LMF1: variants seen among roughly 807,000 people sequenced by gnomAD.
The protein encoded by LMF1 is lipase maturation factor 1, also known as transmembrane protein 112.
LMF1 carries 68 observed loss-of-function variants against 60.6 expected under a neutral mutation model. The ratio of observed to expected loss-of-function variants is 1.12; its 90% confidence interval spans 0.92 to 1.37. The LOEUF (loss-of-function observed/expected upper bound fraction) is 1.37, where lower values mean the gene tolerates loss of function less well. Ranked by LOEUF, LMF1 falls within the 40% of genes most tolerant of loss-of-function variation. The pLI, the probability that LMF1 is intolerant of heterozygous loss-of-function variation, is 0.00. For synonymous variants in LMF1, 418 were observed against 324.7 expected (o/e 1.29, Z -3.09); for missense variants, 948 against 767.2 (o/e 1.24, Z -2.78).
intron 9 of LMF1, chr16:869,678 T>TG (rs886241824): frequency 7.5e-6 from 5 of 664,012 alleles, no homozygotes; most frequent in African/African-American, 7.1e-5. Context: ...GGGGGGACGG[T>TG]GGGGCTGGGC....
intron 3 of LMF1, among the ~76,000 whole-genome samples, chr16:929,853 C>T (rs190137101): frequency 1.9e-4 from 29 of 152,328 alleles, no homozygotes; most frequent in East Asian, 1.2e-3. Context: ...CGTCTGTGAA[C>T]GGGGGCGCAC....
intron 2 of LMF1, among the ~76,000 whole-genome samples, chr16:938,412 A>G (rs934328276): frequency 1.4e-4 from 22 of 151,900 alleles, no homozygotes; most frequent in African/African-American, 4.8e-4. Context: ...CGGGGACAGC[A>G]GGGATGGGGC....
chr16:981,212 G>A (rs1358587945), exon 1 of LMF1: 5 of 455,436 alleles, frequency 1.1e-5, no homozygotes, highest in Non-Finnish European at 1.8e-5. Flanking sequence ...AACCGACCCT[G>A]TCCTGGACCG....
At chr16:894,433 C>T (rs4984713) in intron 4 of LMF1, among the ~76,000 whole-genome samples, 53,712 of 146,056 alleles carry the variant, frequency 0.37, 10,805 homozygotes, top group African/African-American at 0.53. Context: ...ATCCCCTGTC[C>T]ACCTGGCCGT....
At chr16:967,153 G>T (rs1213025497) in intron 1 of LMF1, among the ~76,000 whole-genome samples, 1 of 152,206 alleles carries the variant, frequency 6.6e-6, no homozygotes, top group Non-Finnish European at 1.5e-5. Flanking sequence ...AGCCCCAGCT[G>T]CCTGTGGCCG....
chr16:949,097 T>C (rs545028348), intron 2 of LMF1, among the ~76,000 whole-genome samples: 26,479 of 72,080 alleles, frequency 0.37, 3,783 homozygotes, highest in African/African-American at 0.53. Context: ...TCAGAGACAA[T>C]GACAGAGCCA....
At chr16:953,039 C>CG (rs2072529912) in intron 2 of LMF1, among the ~76,000 whole-genome samples, 1 of 47,558 alleles carries the variant, frequency 2.1e-5, no homozygotes, top group African/African-American at 1.9e-4. Flanking sequence ...ACAGACACCC[C>CG]AAACCAGCCT....
Position 854,691 on chromosome 16 carries a change from C to T in LMF1, c.1545G>A (p.Glu515=), listed in dbSNP as rs749862939. The part of the protein sequence containing the change: ...GRPPPRWVRG[E]HYRYKFSRPG... ...GACGGCTGAACTTGTACCTGTAGTG[C>T]TCTCCTCGGACCCACCTGCAAGGGG... The change falls in exon 11 of 11, where the codon GAG becomes GAA. Residue 515 remains glutamate, a synonymous_variant. Coordinates refer to ENST00000262301, the MANE Select transcript of LMF1 (RefSeq NM_022773.4). 2 of 1,595,326 alleles carry T rather than the reference C, an allele frequency of 1.3e-6. No individual in the cohort carries two copies. The highest frequency in any genetic ancestry group is 2.3e-5 in the East Asian group (1 of 44,212).
intron 1 of LMF1, among the ~76,000 whole-genome samples, chr16:978,664 C>G (rs949903698): frequency 6.6e-6 from 1 of 152,186 alleles, no homozygotes; most frequent in Non-Finnish European, 1.5e-5. Context: ...GCAAGGCCCA[C>G]TAGCAGGTGG....
At chr16:975,030 C>A (rs1017891812), upstream of LMF1, among the ~76,000 whole-genome samples, 1 of 152,206 alleles carries the variant, frequency 6.6e-6, no homozygotes, top group African/African-American at 2.4e-5. Context: ...CCCCACCCCC[C>A]ACGTGAGGCT....
intron 1 of LMF1, among the ~76,000 whole-genome samples, chr16:978,166 C>A (rs1256322583): frequency 4.7e-5 from 7 of 148,588 alleles, no homozygotes; most frequent in South Asian, 2.1e-4. Context: ...ACACACACAC[C>A]ACACACCATA....
upstream of LMF1, among the ~76,000 whole-genome samples, chr16:971,876 C>G (rs1411833434): frequency 2.0e-5 from 3 of 152,194 alleles, no homozygotes; most frequent in African/African-American, 7.2e-5. Flanking sequence ...CATTTGTCAG[C>G]ACTCTTTACG....
chr16:855,491 C>G (rs946019134), intron 10 of LMF1: 1 of 357,528 alleles, frequency 2.8e-6, no homozygotes, highest in Middle Eastern at 1.0e-3. Flanking sequence ...GGCATTTTCT[C>G]CTGGGGGTGG....
At chr16:959,588 G>A (rs892958892) in intron 1 of LMF1, among the ~76,000 whole-genome samples, 1 of 152,240 alleles carries the variant, frequency 6.6e-6, no homozygotes, top group Non-Finnish European at 1.5e-5. Flanking sequence ...CCACACGCAC[G>A]GATGTGAAAC....
In LMF1 at chr16:854,584, T is replaced by A; in HGVS notation, c.1652A>T (p.Glu551Val). The A allele has an allele frequency of 6.2e-7, 1 of 1,607,692 alleles. No individual in the cohort carries two copies. The highest frequency in any genetic ancestry group is 8.5e-7 in the Non-Finnish European group (1 of 1,178,594). ...ACGGTCCCTGAAGTAGGGCCTCAGC[T>A]CCTCCAGGCTGAGCGGAGGGAAGTA... The part of the protein sequence containing the change: ...GAYFPPLSLE[E>V]LRPYFRDRGW... Residue 551 changes from glutamate (E) to valine (V), a missense_variant, in exon 11 of 11, where the codon GAG (glutamate) becomes GTG (valine). Physicochemically the swap from Glu to Val is moderately radical, Grantham distance 121 (BLOSUM62 -2). Transcript: ENST00000262301.
chr16:928,287 G>A (rs1472669209), intron 3 of LMF1, among the ~76,000 whole-genome samples: 2 of 152,190 alleles, frequency 1.3e-5, no homozygotes, highest in African/African-American at 4.8e-5. Context: ...CTGACACCTG[G>A]CCCAGCATGG....
At chr16:938,085 C>T (rs2071994752) in intron 2 of LMF1, among the ~76,000 whole-genome samples, 1 of 152,134 alleles carries the variant, frequency 6.6e-6, no homozygotes, top group Admixed American at 6.5e-5. Flanking sequence ...GTGAGAGCAG[C>T]TGGGGGGCTT....
intron 4 of LMF1, chr16:900,493 ATTTTC>A (rs1316795725): frequency 1.3e-5 from 2 of 151,664 alleles, no homozygotes; most frequent in East Asian, 1.9e-4. Context: ...TTATTTTATT[ATTTTC>A]TTTTCTTTTT....
intron 1 of LMF1, chr16:980,303 G>T: frequency 6.3e-6 from 1 of 157,688 alleles, no homozygotes; most frequent in South Asian, 1.9e-4. Context: ...GGCGGCCGCT[G>T]GGGGCACCAG....
Sources: gnomAD v4.1 joint callset for allele counts (sites outside exome capture counted in the v4.1 genomes callset) on GRCh38, gnomAD v4.1.1 for gene constraint, MANE v1.5 for transcripts, NCBI Gene and HGNC (gene_info 2026-07-23, HGNC 2026-07-21) for gene names.